Variants in CDH9 observed in about 807,000 individuals in gnomAD.
CDH9 encodes cadherin-9.
Under a neutral mutation model 70.9 loss-of-function variants are expected in CDH9, and 28 were observed. That is an observed-to-expected ratio of 0.40 (90% confidence interval 0.29 to 0.54). CDH9 has a LOEUF of 0.54. Ranked by LOEUF, CDH9 falls within the 20% of genes least tolerant of loss-of-function variation. The pLI is 0.59. For synonymous variants in CDH9, 409 were observed against 343.1 expected (o/e 1.19, Z -2.12); for missense variants, 874 against 984.4 (o/e 0.89, Z 1.50).
intron 2 of CDH9, among the ~76,000 whole-genome samples, chr5:26,956,940 T>TTGTACTCAACAGTA (rs1426705401): frequency 1.3e-5 from 2 of 151,932 alleles, no homozygotes; most frequent in Non-Finnish European, 2.9e-5. Flanking sequence ...TGGGTCATGG[T>TTGTACTCAACAGTA]TGTACTCAAC....
At chr5:27,035,809 C>T (rs748298318) in intron 1 of CDH9, among the ~76,000 whole-genome samples, 3 of 151,120 alleles carry the variant, frequency 2.0e-5, no homozygotes, top group Non-Finnish European at 3.0e-5. Context: ...ATTATTTCTA[C>T]ATCATATTTA....
intron 5 of CDH9, 131 bp from the exon 6 acceptor site, chr5:26,903,955 CA>C: frequency 1.8e-6 from 1 of 551,672 alleles, no homozygotes; most frequent in Non-Finnish European, 3.1e-6. Context: ...TGTAAGCTGT[CA>C]AAATTGTATA....
intron 7 of CDH9, among the ~76,000 whole-genome samples, chr5:26,896,983 G>C (rs184374600): frequency 1.4e-4 from 22 of 151,904 alleles, no homozygotes; most frequent in African/African-American, 5.3e-4. Flanking sequence ...ATGATAAAGG[G>C]AATATCACCA....
intron 5 of CDH9, among the ~76,000 whole-genome samples, chr5:26,905,575 C>T (rs1269939685): frequency 6.6e-6 from 1 of 152,082 alleles, no homozygotes; most frequent in Non-Finnish European, 1.5e-5. Context: ...GGATTTGAAT[C>T]CAGATAGGCA....
Position 26,902,430 on chromosome 5 carries a change from A to T in CDH9, c.1253+46T>A, listed in dbSNP as rs1286225531. The T allele has an allele frequency of 1.1e-5, 14 of 1,313,974 alleles. No individual in the cohort carries two copies. The East Asian group carries it at 3.5e-4, about 32-fold the overall frequency. 81.4% of individuals were successfully genotyped at this position (1,313,974 alleles called of 1,614,324 possible). On this transcript the variant is annotated intron_variant, in intron 7 of 11. Transcript: ENST00000231021. ...TTTCACACAGTTTGTAAATAGTGAGATTATTATATTTCTAAAAACATAATA... is the reference window on the plus strand; with the variant it reads ...TTTCACACAGTTTGTAAATAGTGAGTTTATTATATTTCTAAAAACATAATA...
intron 1 of CDH9, among the ~76,000 whole-genome samples, chr5:27,035,640 G>T: frequency 6.6e-6 from 1 of 150,830 alleles, no homozygotes; most frequent in East Asian, 2.0e-4. Context: ...ATCTCACCAT[G>T]AATCAAAATT....
At chr5:26,911,382 ACATTATTGAAT>A in intron 3 of CDH9, among the ~76,000 whole-genome samples, 2 of 152,178 alleles carry the variant, frequency 1.3e-5, no homozygotes, top group African/African-American at 4.8e-5. Context: ...ACAATTGGAT[ACATTATTGAAT>A]CCACACATAG....
intron 2 of CDH9, among the ~76,000 whole-genome samples, chr5:26,953,177 C>G (rs191208751): frequency 6.6e-6 from 1 of 152,184 alleles, no homozygotes; most frequent in East Asian, 1.9e-4. Context: ...ATCAAACACT[C>G]TTCTTTAGAA....
rs535330569 is a variant in CDH9 at position 26,935,393 on chromosome 5, A to G, written c.229-19469T>C. 7.2e-5 allele frequency among the ~76,000 whole-genome samples: 11 copies of G among 152,290 alleles called. No homozygotes were observed. In the South Asian group the frequency reaches 2.3e-3, roughly 32 times the overall value. ...TACTAGACATCCTACCTAATGCCAT[A>G]ACACAAGAAAGGAAAATAATAAGTA... On this transcript the variant is annotated intron_variant, in intron 2 of 11. Transcript: ENST00000231021.
At chr5:27,034,447 T>C (rs1251831995) in intron 1 of CDH9, among the ~76,000 whole-genome samples, 1 of 151,832 alleles carries the variant, frequency 6.6e-6, no homozygotes, top group Non-Finnish European at 1.5e-5. Context: ...AATTGGTTTA[T>C]AATTTGCTAA....
At chr5:26,944,200 C>A (rs1020856105) in intron 2 of CDH9, among the ~76,000 whole-genome samples, 24 of 151,060 alleles carry the variant, frequency 1.6e-4, no homozygotes, top group Admixed American at 1.6e-3. Flanking sequence ...TTTTTTATTT[C>A]TTTAGATTCT....
chr5:27,027,765 G>A (rs1743244038), intron 1 of CDH9, among the ~76,000 whole-genome samples: 1 of 152,032 alleles, frequency 6.6e-6, no homozygotes, highest in Non-Finnish European at 1.5e-5. Flanking sequence ...AACAGAGAAA[G>A]TAAATATGGG....
At chr5:26,909,597 A>G (rs943498453) in intron 3 of CDH9, among the ~76,000 whole-genome samples, 3 of 150,386 alleles carry the variant, frequency 2.0e-5, no homozygotes, top group Non-Finnish European at 4.4e-5. Context: ...CAGGTTAGTT[A>G]CATATGTATA....
chr5:27,015,302 T>C (rs1344492811), intron 1 of CDH9, among the ~76,000 whole-genome samples: 1 of 151,730 alleles, frequency 6.6e-6, no homozygotes, highest in East Asian at 1.9e-4. Flanking sequence ...CTATTGATAT[T>C]TATTAAGACT....
intron 2 of CDH9, among the ~76,000 whole-genome samples, chr5:26,944,665 A>T (rs1469834997): frequency 6.6e-6 from 1 of 152,128 alleles, no homozygotes; most frequent in Non-Finnish European, 1.5e-5. Context: ...TAAATAGATA[A>T]ATAAATAAAA....
At chr5:26,974,225 G>A (rs1742267666) in intron 2 of CDH9, among the ~76,000 whole-genome samples, 1 of 152,116 alleles carries the variant, frequency 6.6e-6, no homozygotes, top group Admixed American at 6.5e-5. Context: ...CAGGGCAGCT[G>A]AGTGAGACTC....
intron 2 of CDH9, among the ~76,000 whole-genome samples, chr5:26,938,236 G>A (rs1469845181): frequency 6.6e-6 from 1 of 151,044 alleles, no homozygotes; most frequent in Non-Finnish European, 1.5e-5. Context: ...GCCATAGGCT[G>A]GAATAAAATA....
At chr5:26,891,683 C>CAAAT (rs762237140) in intron 7 of CDH9, among the ~76,000 whole-genome samples, 1 of 151,264 alleles carries the variant, frequency 6.6e-6, no homozygotes, top group African/African-American at 2.4e-5. Context: ...ATCTCAAAAA[C>CAAAT]AAACAAACAA....
chr5:27,010,318 G>GT (rs888344649), intron 1 of CDH9, among the ~76,000 whole-genome samples: 2 of 152,022 alleles, frequency 1.3e-5, no homozygotes, highest in African/African-American at 4.8e-5. Context: ...GAATGATGAT[G>GT]TATTTGTCTT....
Sources: gnomAD v4.1 joint callset for allele counts (sites outside exome capture counted in the v4.1 genomes callset) on GRCh38, gnomAD v4.1.1 for gene constraint, MANE v1.5 for transcripts, NCBI Gene and HGNC (gene_info 2026-07-23, HGNC 2026-07-21) for gene names.